The following REV1 variants were observed in gnomAD, a reference collection of about 807,000 sequenced individuals.
REV1 encodes translesion synthesis protein REV1.
Under a neutral mutation model 137.4 loss-of-function variants are expected in REV1, and 42 were observed. That is an observed-to-expected ratio of 0.31 (90% confidence interval 0.24 to 0.40). REV1 has a LOEUF of 0.40. REV1 is among the 10% of genes least tolerant of loss of function. REV1 has a pLI of 1.00. For missense variants in REV1, 1,282 were observed against 1,490.1 expected, an observed-to-expected ratio of 0.86 and a Z score of 2.30; for synonymous variants, 524 against 519.2, an observed-to-expected ratio of 1.01 and a Z score of -0.12.
chr2:99,454,237 C>CA (rs1003789758), intron 3 of REV1, among the ~76,000 whole-genome samples: 19 of 151,144 alleles, frequency 1.3e-4, no homozygotes, highest in South Asian at 4.2e-4. Flanking sequence ...AAAAAATCCA[C>CA]AAAAAAACAA....
At chr2:99,473,810 T>G (rs1685685462) in intron 1 of REV1, among the ~76,000 whole-genome samples, 1 of 152,222 alleles carries the variant, frequency 6.6e-6, no homozygotes, top group Admixed American at 6.5e-5. Flanking sequence ...AATTACAGGT[T>G]TTGGTACATA....
chr2:99,469,127 G>A (rs1402066570), intron 1 of REV1, among the ~76,000 whole-genome samples: 7 of 152,088 alleles, frequency 4.6e-5, no homozygotes, highest in Non-Finnish European at 1.0e-4. Context: ...GATATGGTGG[G>A]GAGAAGAAAA....
chr2:99,423,246 A>T (rs1443910469), intron 10 of REV1, among the ~76,000 whole-genome samples: 1 of 152,202 alleles, frequency 6.6e-6, no homozygotes, highest in African/African-American at 2.4e-5. Context: ...CTTAGCAGAT[A>T]CTGGTGTTCA....
intron 10 of REV1, 131 bp downstream of exon 10, chr2:99,424,021 A>G (rs1160473503): frequency 1.1e-6 from 1 of 932,976 alleles, no homozygotes; most frequent in Non-Finnish European, 1.6e-6. Context: ...TGGGATGCTG[A>G]GGAGTGGTTC....
chr2:99,417,909 T>C (rs1421284663), intron 12 of REV1, among the ~76,000 whole-genome samples: 1 of 152,264 alleles, frequency 6.6e-6, no homozygotes, highest in Non-Finnish European at 1.5e-5. Flanking sequence ...AGTTTGATTT[T>C]ATAAAGTATT....
Position 99,438,851 on chromosome 2 carries a change from T to A in REV1, c.963A>T (p.Ser321=). The stretch of plus-strand genomic sequence containing the variant: ...ATACTGAAGAAGTGCTTTTTGTGCT[T>A]GAAGGCCCCTGAACAGTGGAGTGGT... ...GAHHSTVQGP[S]STKSTSSVST... The change falls in exon 6 of 23, where the codon TCA becomes TCT. Residue 321 remains serine, a synonymous_variant. Transcript: ENST00000258428. 2 of 1,614,216 alleles carry A rather than the reference T, an allele frequency of 1.2e-6. No individual in the cohort carries two copies. The highest frequency in any genetic ancestry group is 1.7e-6 in the Non-Finnish European group (2 of 1,180,042).
At chr2:99,404,807 G>T in intron 17 of REV1, 130 bp from the exon 18 acceptor site, 1 of 706,582 alleles carries the variant, frequency 1.4e-6, no homozygotes, top group Non-Finnish European at 2.4e-6. Flanking sequence ...AGACCATCAA[G>T]CTAGGAAAGC....
At chr2:99,424,065 A>AC in intron 10 of REV1, 87 bp downstream of exon 10, 1 of 1,377,332 alleles carries the variant, frequency 7.3e-7, no homozygotes, top group East Asian at 2.5e-5. Context: ...AGTGATCCTG[A>AC]CAATCCTAAA....
chr2:99,419,337 C>T (rs892036394), intron 11 of REV1, among the ~76,000 whole-genome samples: 6 of 151,716 alleles, frequency 4.0e-5, no homozygotes, highest in Non-Finnish European at 8.8e-5. Context: ...CTCAGCCTCC[C>T]GAGTAGCTGG....
At chr2:99,484,743 T>C (rs556193001) in intron 1 of REV1, among the ~76,000 whole-genome samples, 1 of 152,100 alleles carries the variant, frequency 6.6e-6, no homozygotes, top group East Asian at 1.9e-4. Context: ...TGCCAGTAGT[T>C]AACAACACAC....
rs1678685519 is a variant in REV1 at position 99,421,616 on chromosome 2, C to A, written c.1714G>T (p.Ala572Ser). 1.2e-6 allele frequency: 2 copies of A among 1,614,136 alleles called. No homozygotes were observed. Among genetic ancestry groups the A allele is most frequent in the Non-Finnish European group, 1.7e-6 (2 of 1,179,980 alleles). ...HNIEAVSCDE[A>S]LVDITEILAE... is the part of the protein sequence containing the mutation. ...AGGATTTCGGTAATGTCTACCAGCGCTTCATCACAACTGACAGCTTCAATG... is the reference window on the plus strand; with the variant it reads ...AGGATTTCGGTAATGTCTACCAGCGATTCATCACAACTGACAGCTTCAATG... Residue 572 changes from alanine to serine, a missense_variant, in exon 11 of 23, where the codon GCG becomes TCG. This residue lies in a region of REV1 where 372 missense variants were observed against 482.3 expected (regional missense o/e 0.77). Transcript: ENST00000258428.
At chr2:99,404,316 C>A in intron 18 of REV1, 128 bp downstream of exon 18, 2 of 692,936 alleles carry the variant, frequency 2.9e-6, no homozygotes, top group Admixed American at 2.8e-5. Context: ...CTCCCCTCCC[C>A]TCCCCTCCCC....
At chr2:99,445,446 C>A (rs867408228) in intron 4 of REV1, among the ~76,000 whole-genome samples, 3 of 152,154 alleles carry the variant, frequency 2.0e-5, no homozygotes, top group Middle Eastern at 3.4e-3. Flanking sequence ...TATAAAAAAC[C>A]CACGCTACAA....
chr2:99,473,088 G>A (rs1349068055), intron 1 of REV1, among the ~76,000 whole-genome samples: 2 of 152,110 alleles, frequency 1.3e-5, no homozygotes, highest in African/African-American at 2.4e-5. Context: ...ACAAAAGGCC[G>A]GGCCTGGTGG....
At chr2:99,477,047 T>G (rs922604300) in intron 1 of REV1, among the ~76,000 whole-genome samples, 5 of 147,944 alleles carry the variant, frequency 3.4e-5, no homozygotes, top group Non-Finnish European at 7.4e-5. Flanking sequence ...TCCCCAAACT[T>G]GCAGTTGATC....
chr2:99,471,167 A>G (rs1284928003), intron 1 of REV1, among the ~76,000 whole-genome samples: 1 of 152,198 alleles, frequency 6.6e-6, no homozygotes, highest in Non-Finnish European at 1.5e-5. Context: ...GCCCTGCCAT[A>G]TCTCTACTCA....
chr2:99,489,451 G>T (rs1479317870), intron 1 of REV1, among the ~76,000 whole-genome samples: 1 of 151,414 alleles, frequency 6.6e-6, no homozygotes, highest in Non-Finnish European at 1.5e-5. Flanking sequence ...TTTGCGGCGC[G>T]GTCTGACCGG....
At chr2:99,407,077 GTTCTTTTTTT>G (rs1676409644) in intron 15 of REV1, 2 of 46,778 alleles carry the variant, frequency 4.3e-5, no homozygotes, top group South Asian at 6.7e-4. Flanking sequence ...ACCTACAAAG[GTTCTTTTTTT>G]TTTTTTTTTT....
At chr2:99,466,485 G>T (rs1684810042) in intron 1 of REV1, among the ~76,000 whole-genome samples, 1 of 151,884 alleles carries the variant, frequency 6.6e-6, no homozygotes, top group Non-Finnish European at 1.5e-5. Flanking sequence ...CAGGTGATCT[G>T]CCCGCCTATG....
Sources: allele counts gnomAD v4.1 joint callset (sites outside exome capture counted in the v4.1 genomes callset), GRCh38; gene constraint gnomAD v4.1.1; regional missense constraint gnomAD v4.1.1; transcripts MANE v1.5; gene names NCBI Gene and HGNC (gene_info 2026-07-23, HGNC 2026-07-21).